The following CCSER1 variants were observed in gnomAD, a reference collection of about 807,000 sequenced individuals.
The protein encoded by CCSER1 is coiled-coil serine rich protein 1, also known as serine-rich coiled-coil domain-containing protein 1.
CCSER1 carries 41 observed loss-of-function variants against 82.0 expected under a neutral mutation model. The observed-to-expected ratio is 0.50, with a 90% confidence interval of 0.39 to 0.65. The LOEUF is 0.65. CCSER1 is among the 30% of genes least tolerant of loss of function. CCSER1 has a pLI of 0.00. For missense variants in CCSER1, 1,119 were observed against 1,064.2 expected (o/e 1.05, Z -0.72); for synonymous variants, 414 against 383.9 (o/e 1.08, Z -0.92).
chr4:90,233,717 TAA>T (rs199884858), intron 1 of CCSER1, among the ~76,000 whole-genome samples: 10 of 125,466 alleles, frequency 8.0e-5, no homozygotes, highest in Admixed American at 8.0e-5. Context: ...GAAGTGGCCA[TAA>T]AAAAAAAAAA....
At chr4:90,756,951 T>C (rs1749628563) in intron 7 of CCSER1, among the ~76,000 whole-genome samples, 1 of 152,158 alleles carries the variant, frequency 6.6e-6, no homozygotes, top group Admixed American at 6.6e-5. Flanking sequence ...TATGAATATA[T>C]TAAACTAAAA....
chr4:91,183,363 A>G (rs1298832513), intron 10 of CCSER1, among the ~76,000 whole-genome samples: 1 of 151,768 alleles, frequency 6.6e-6, no homozygotes, highest in Non-Finnish European at 1.5e-5. Context: ...AAGCTTTACC[A>G]TTACTAGACC....
At chr4:90,964,796 A>G (rs1013659144) in intron 9 of CCSER1, among the ~76,000 whole-genome samples, 1 of 151,700 alleles carries the variant, frequency 6.6e-6, no homozygotes, top group African/African-American at 2.4e-5. Context: ...AACTTTTTAA[A>G]TTCTGGAAAT....
chr4:91,202,812 C>CTCATATATA (rs1553911607), intron 10 of CCSER1, among the ~76,000 whole-genome samples: 106 of 151,046 alleles, frequency 7.0e-4, no homozygotes, highest in African/African-American at 1.9e-3. Flanking sequence ...GATATACACA[C>CTCATATATA]TGTCTTTTTA....
At chr4:90,552,976 T>A (rs1777699026) in intron 5 of CCSER1, among the ~76,000 whole-genome samples, 1 of 92,396 alleles carries the variant, frequency 1.1e-5, no homozygotes, top group Non-Finnish European at 2.0e-5. Flanking sequence ...AAATTAACCA[T>A]TTTTTTTTTT....
At chr4:90,653,029 G>T (rs1383078587) in intron 6 of CCSER1, among the ~76,000 whole-genome samples, 1 of 151,636 alleles carries the variant, frequency 6.6e-6, no homozygotes, top group African/African-American at 2.4e-5. Context: ...CCAAGCCTAT[G>T]GCTCCCACAA....
At chr4:91,325,435 T>C in intron 10 of CCSER1, 1 of 238,702 alleles carries the variant, frequency 4.2e-6, no homozygotes, top group East Asian at 1.2e-4. Context: ...GCTAGTACAT[T>C]ATGATGCTGA....
At chr4:90,607,901 CCACTT>C (rs1470850848) in intron 5 of CCSER1, among the ~76,000 whole-genome samples, 1 of 152,126 alleles carries the variant, frequency 6.6e-6, no homozygotes, top group Non-Finnish European at 1.5e-5. Flanking sequence ...AAGAAAGACT[CCACTT>C]AACCGTTTTT....
chr4:91,078,873 T>A (rs920432584), intron 9 of CCSER1, among the ~76,000 whole-genome samples: 3 of 151,808 alleles, frequency 2.0e-5, no homozygotes, highest in Non-Finnish European at 2.9e-5. Flanking sequence ...ACAAGAGAAG[T>A]TTAGAGAAAA....
chr4:90,502,062 A>T (rs1769966527), intron 5 of CCSER1, among the ~76,000 whole-genome samples: 1 of 152,206 alleles, frequency 6.6e-6, no homozygotes, highest in Admixed American at 6.5e-5. Context: ...AGAGCAAAAT[A>T]TGACATTTTA....
At chr4:90,673,438 A>G (rs1428624448) in intron 6 of CCSER1, among the ~76,000 whole-genome samples, 1 of 152,002 alleles carries the variant, frequency 6.6e-6, no homozygotes, top group East Asian at 1.9e-4. Context: ...CATATAAAGC[A>G]CATCCCATTT....
intron 5 of CCSER1, among the ~76,000 whole-genome samples, chr4:90,494,823 T>C (rs993133517): frequency 5.9e-5 from 9 of 152,036 alleles, no homozygotes; most frequent in Admixed American, 1.3e-4. Flanking sequence ...TTTACAACAG[T>C]TCACGCCATA....
rs1001158585 is a variant in CCSER1 at position 90,490,431 on chromosome 4, G to C, written c.1724+22077G>C. Among the ~76,000 whole-genome samples, 4 of 151,928 alleles carry C rather than the reference G, an allele frequency of 2.6e-5. 1 individual carries two copies. Among genetic ancestry groups the C allele is most frequent in the South Asian group, 4.1e-4 (2 of 4,826 alleles). ...TAGATTCTGGATATTAGCCCTTTGT[G>C]AGATGAGTAGATTGCAAAAATTTTC... On this transcript the variant is annotated intron_variant, in intron 5 of 10. Coordinates refer to ENST00000509176, the MANE Select transcript of CCSER1 (RefSeq NM_001145065.2).
Position 91,188,151 on chromosome 4 carries a change from G to A in CCSER1, c.2217+102157G>A, listed in dbSNP as rs555552997. Among the ~76,000 whole-genome samples, 455 of 152,154 alleles carry A rather than the reference G, an allele frequency of 3.0e-3. 1 individual carries two copies. The highest frequency in any genetic ancestry group is 0.01 in the African/African-American group (429 of 41,512). On this transcript the variant is annotated intron_variant, in intron 10 of 10. Transcript: ENST00000509176. Reference sequence around the variant, plus strand: ...ATTCTTCATCTGTAGCTACCAGCTAGGGTAAACTTTGCATAAAACTTATCA... The same window carrying A: ...ATTCTTCATCTGTAGCTACCAGCTAAGGTAAACTTTGCATAAAACTTATCA...
At chr4:90,195,879 T>C (rs912464634) in intron 1 of CCSER1, among the ~76,000 whole-genome samples, 23 of 152,092 alleles carry the variant, frequency 1.5e-4, no homozygotes, top group African/African-American at 5.6e-4. Flanking sequence ...ACAATCAAAA[T>C]GTCCAGCAAT....
intron 9 of CCSER1, among the ~76,000 whole-genome samples, chr4:91,042,745 T>A (rs903489607): frequency 3.3e-5 from 5 of 152,138 alleles, no homozygotes; most frequent in Admixed American, 6.5e-5. Context: ...AATAGAAGAA[T>A]GAATTTCCAG....
Position 91,451,042 on chromosome 4 carries a change from A to G in CCSER1, c.2218-147530A>G, listed in dbSNP as rs1476803841. Among the ~76,000 whole-genome samples, 10 of 151,878 alleles carry G rather than the reference A, an allele frequency of 6.6e-5. 1 individual carries two copies. Among genetic ancestry groups the G allele is most frequent in the Admixed American group, 6.6e-4 (10 of 15,204 alleles). On this transcript the variant is annotated intron_variant, in intron 10 of 10. Transcript: ENST00000509176. ...CTGGAGGCTGGGAAGCCAAAATCAA[A>G]GCACTGGCAGATTCAGTGTCCGGTG...
At chr4:90,649,773 C>T (rs1156920742) in intron 6 of CCSER1, 1 of 152,124 alleles carries the variant, frequency 6.6e-6, no homozygotes, top group Non-Finnish European at 1.5e-5. Context: ...TTTATAATAA[C>T]TATAATACAT....
chr4:91,135,239 A>G (rs1210458230), intron 10 of CCSER1, among the ~76,000 whole-genome samples: 1 of 152,178 alleles, frequency 6.6e-6, no homozygotes, highest in Non-Finnish European at 1.5e-5. Context: ...AACTAATTGT[A>G]AAGAAATATT....
Sources: allele counts gnomAD v4.1 joint callset (sites outside exome capture counted in the v4.1 genomes callset), GRCh38; gene constraint gnomAD v4.1.1; transcripts MANE v1.5; gene names NCBI Gene and HGNC (gene_info 2026-07-23, HGNC 2026-07-21).